The following PSMB7 variants were observed in gnomAD, a reference collection of about 807,000 sequenced individuals.
PSMB7 encodes proteasome 20S subunit beta 7, also known as proteasome subunit beta type-7.
A neutral mutation model predicts 28.1 loss-of-function variants in PSMB7; 5 were observed. The observed-to-expected ratio is 0.18, with a 90% CI of 0.09 to 0.37. The LOEUF (loss-of-function observed/expected upper bound fraction) is 0.37, where lower values mean the gene tolerates loss of function less well. Among genes scored for constraint, PSMB7 ranks in the 10% least tolerant of loss-of-function variants. PSMB7 has a pLI of 1.00. For synonymous variants in PSMB7, 122 were observed against 123.7 expected (o/e 0.99, Z 0.09); for missense variants, 275 against 346.2 (o/e 0.79, Z 1.63).
intron 4 of PSMB7, among the ~76,000 whole-genome samples, chr9:124,411,829 G>A (rs576206575): frequency 1.3e-5 from 2 of 152,300 alleles, no homozygotes; most frequent in Admixed American, 6.5e-5. Context: ...GGATGAAATC[G>A]TGCATAAAGC....
chr9:124,354,937 C>A (rs895604611), intron 7 of PSMB7, among the ~76,000 whole-genome samples: 10 of 152,246 alleles, frequency 6.6e-5, no homozygotes, highest in Admixed American at 2.6e-4. Flanking sequence ...TTCCGCCTTA[C>A]GTGCCAGTGG....
chr9:124,415,086 C>G, intron 1 of PSMB7, 151 bp from the exon 2 acceptor site: 1 of 638,632 alleles, frequency 1.6e-6, no homozygotes, highest in Non-Finnish European at 2.7e-6. Context: ...GCACTGTTCT[C>G]CCGTTTTCCA....
At chr9:124,390,266 C>G (rs961801892) in intron 5 of PSMB7, among the ~76,000 whole-genome samples, 1 of 152,192 alleles carries the variant, frequency 6.6e-6, no homozygotes, top group African/African-American at 2.4e-5. Context: ...GGATAGAACT[C>G]TTCTAATGGG....
chr9:124,392,809 C>G (rs1830802249), intron 5 of PSMB7, among the ~76,000 whole-genome samples: 1 of 152,142 alleles, frequency 6.6e-6, no homozygotes, highest in Admixed American at 6.5e-5. Flanking sequence ...CAGATCGTCT[C>G]AGGAAAAAAA....
At chr9:124,353,979 C>G (rs1373379152) in intron 7 of PSMB7, among the ~76,000 whole-genome samples, 4 of 152,290 alleles carry the variant, frequency 2.6e-5, no homozygotes, top group African/African-American at 9.6e-5. Flanking sequence ...ACCCCACCAT[C>G]CCCACAAGTG....
At chr9:124,388,829 CA>C (rs1830753933) in intron 5 of PSMB7, among the ~76,000 whole-genome samples, 1 of 152,182 alleles carries the variant, frequency 6.6e-6, no homozygotes, top group Non-Finnish European at 1.5e-5. Context: ...CTTCAAACTC[CA>C]GCTGAGAGAT....
chr9:124,390,294 T>C (rs564020530), intron 5 of PSMB7, among the ~76,000 whole-genome samples: 26 of 152,260 alleles, frequency 1.7e-4, no homozygotes, highest in African/African-American at 4.8e-4. Context: ...GAAACATCGA[T>C]TGGAAATCAT....
At chr9:124,396,945 A>G in intron 5 of PSMB7, 1 of 388,730 alleles carries the variant, frequency 2.6e-6, no homozygotes, top group Non-Finnish European at 5.3e-6. Context: ...TTTCCTAATA[A>G]AGTCAAAAAA....
chr9:124,374,519 A>G (rs1013897524), intron 6 of PSMB7, among the ~76,000 whole-genome samples: 1 of 152,220 alleles, frequency 6.6e-6, no homozygotes, highest in African/African-American at 2.4e-5. Context: ...TCACACTTTA[A>G]TATTAATTTT....
chr9:124,394,460 G>T (rs1357679907), intron 5 of PSMB7, among the ~76,000 whole-genome samples: 1 of 152,168 alleles, frequency 6.6e-6, no homozygotes, highest in African/African-American at 2.4e-5. Flanking sequence ...TTAAAGCAAA[G>T]AACTTTAAAC....
intron 6 of PSMB7, among the ~76,000 whole-genome samples, chr9:124,362,867 T>A (rs551299001): frequency 1.3e-5 from 2 of 152,366 alleles, no homozygotes; most frequent in Admixed American, 1.3e-4. Context: ...ATTAATTTTT[T>A]AAAAAGAAGG....
At chr9:124,366,654 CCACT>C (rs2131147642) in intron 6 of PSMB7, among the ~76,000 whole-genome samples, 1 of 152,018 alleles carries the variant, frequency 6.6e-6, no homozygotes, top group Non-Finnish European at 1.5e-5. Context: ...CACTCACCAC[CCACT>C]CACTGACTCA....
intron 6 of PSMB7, among the ~76,000 whole-genome samples, chr9:124,366,892 G>C (rs1830513645): frequency 6.6e-6 from 1 of 152,358 alleles, no homozygotes; most frequent in Non-Finnish European, 1.5e-5. Flanking sequence ...ATAGTGTATA[G>C]GTGTGCAGAA....
At chr9:124,404,025 G>A (rs1415785167) in intron 5 of PSMB7, among the ~76,000 whole-genome samples, 1 of 151,746 alleles carries the variant, frequency 6.6e-6, no homozygotes, top group African/African-American at 2.4e-5. Context: ...CCAAGCAACT[G>A]GGACTACAGG....
In PSMB7 at chr9:124,356,681, A is replaced by C; in HGVS notation, c.722+83T>G. 1 of 1,451,556 alleles carries C rather than the reference A, an allele frequency of 6.9e-7. No individual in the cohort carries two copies. The highest frequency in any genetic ancestry group is 9.4e-7 in the Non-Finnish European group (1 of 1,064,834). 89.9% of individuals were successfully genotyped at this position (1,451,556 alleles called of 1,614,324 possible). On this transcript the variant is annotated intron_variant, in intron 7 of 7. Coordinates refer to ENST00000259457, the MANE Select transcript of PSMB7 (RefSeq NM_002799.4). The surrounding 1 kb of genome is among the most constrained non-coding windows in gnomAD (Gnocchi z 4.4). ...GTACTTAATGTGGAAAGAACCAGGA[A>C]AACTCCATCCAGATGCCATGGAGAT...
intron 5 of PSMB7, among the ~76,000 whole-genome samples, chr9:124,398,119 G>A (rs748706754): frequency 1.3e-4 from 19 of 151,522 alleles, no homozygotes; most frequent in Non-Finnish European, 1.9e-4. Context: ...GCTGCAGTGA[G>A]CCAAAATCGA....
At chr9:124,401,970 G>A (rs1374522072) in intron 5 of PSMB7, among the ~76,000 whole-genome samples, 4 of 149,738 alleles carry the variant, frequency 2.7e-5, no homozygotes, top group African/African-American at 9.8e-5. Flanking sequence ...AGCGAGCAGA[G>A]ATCATGCCAC....
chr9:124,381,913 T>C (rs184240780), intron 6 of PSMB7, among the ~76,000 whole-genome samples: 54 of 152,266 alleles, frequency 3.5e-4, no homozygotes, highest in Non-Finnish European at 7.2e-4. Context: ...ATGTGCCTTC[T>C]GTTTACTTTT....
chr9:124,414,854 C>T lies in PSMB7; in HGVS notation c.144G>A (p.Gly48=). ...TAACCCGGCTTACCTTATAGACCAC[C>T]CCAGCGATGGTCGTGCCAGTTTTCC... ...KVRKTGTTIA[G]VVYKDGIVLG... is the part of the protein sequence containing the mutation. Residue 48 remains glycine, a synonymous_variant, in exon 2 of 8, where the codon GGG becomes GGA. Coordinates refer to ENST00000259457, the MANE Select transcript of PSMB7 (RefSeq NM_002799.4). 8 of 1,614,044 alleles carry T rather than the reference C, an allele frequency of 5.0e-6. No homozygotes were observed. The highest frequency in any genetic ancestry group is 6.8e-6 in the Non-Finnish European group (8 of 1,179,958).
Sources: gnomAD v4.1 joint callset for allele counts (sites outside exome capture counted in the v4.1 genomes callset) on GRCh38, gnomAD v4.1.1 for gene constraint, Gnocchi (gnomAD v3.1) non-coding constraint, MANE v1.5 for transcripts, NCBI Gene and HGNC (gene_info 2026-07-23, HGNC 2026-07-21) for gene names.